Variants in PTK7 observed in about 807,000 individuals in gnomAD.
PTK7 encodes the protein protein tyrosine kinase 7 (inactive).
In PTK7, 39 loss-of-function variants were observed where a neutral mutation model predicts 116.6. The observed-to-expected ratio is 0.33, with a 90% CI of 0.26 to 0.44. The LOEUF (loss-of-function observed/expected upper bound fraction) is 0.44. Ranked by LOEUF, PTK7 falls within the 20% of genes least tolerant of loss-of-function variation. The pLI, the probability that PTK7 is intolerant of heterozygous loss-of-function variation, is 1.00. For synonymous variants in PTK7, 546 were observed against 563.6 expected (o/e 0.97, Z 0.44); for missense variants, 1,169 against 1,425.6 (o/e 0.82, Z 2.90).
rs763038201 is a variant in PTK7, at chr6:43,143,669, G to A, written c.2251+49G>A. On this transcript the variant is annotated intron_variant, in intron 14 of 19. Transcript: ENST00000230419. This position sits in a 1 kb window ranked among gnomAD's most constrained non-coding sequence, Gnocchi z 4.2. The stretch of plus-strand genomic sequence containing the variant: ...TGGTGCCCGTGTGCGGGAGCTGAGC[G>A]CCCTCCCGCGGCCACGGAGGGGAGA... 37 of 1,568,614 alleles carry A rather than the reference G, an allele frequency of 2.4e-5. No individual in the cohort carries two copies. Among genetic ancestry groups the A allele is most frequent in the African/African-American group, 2.7e-5 (2 of 73,702 alleles).
At chr6:43,117,150 C>T (rs1299240797) in intron 1 of PTK7, among the ~76,000 whole-genome samples, 1 of 152,092 alleles carries the variant, frequency 6.6e-6, no homozygotes, top group Non-Finnish European at 1.5e-5. Context: ...ATGGACAGCT[C>T]TGTTCCGCCA....
rs146542656 is a variant in PTK7 at position 43,129,992 on chromosome 6, G to A, written c.470+163G>A. Among the ~76,000 whole-genome samples, 23 of 152,258 alleles carry A rather than the reference G, an allele frequency of 1.5e-4. 1 individual carries two copies. The East Asian group carries it at 3.3e-3, about 22-fold the overall frequency. The stretch of plus-strand genomic sequence containing the variant: ...CCTCCCCCAGATATTGCCCTATGCC[G>A]GCCCCTGGTGGCCTGAAGAGTGAGC... On this transcript the variant is annotated intron_variant, in intron 3 of 19. Coordinates refer to ENST00000230419, the MANE Select transcript of PTK7 (RefSeq NM_002821.5). This position sits in a 1 kb window ranked among gnomAD's most constrained non-coding sequence, Gnocchi z 4.5.
At chr6:43,084,258 G>A (rs1250436518) in intron 1 of PTK7, among the ~76,000 whole-genome samples, 1 of 152,170 alleles carries the variant, frequency 6.6e-6, no homozygotes, top group Non-Finnish European at 1.5e-5. Context: ...CGCCTCCCAA[G>A]TAGCTGGGAC....
At chr6:43,138,655 CTG>C in intron 7 of PTK7, 192 bp from the exon 8 acceptor site, 2 of 619,324 alleles carry the variant, frequency 3.2e-6, no homozygotes, top group Non-Finnish European at 5.3e-6. Context: ...GAGTGAGAAC[CTG>C]TCTTAAAAGA....
At position 43,130,303 on chromosome 6, in the gene PTK7, G is replaced by C. The variant is rs1769579812; in HGVS notation, c.544G>C (p.Glu182Gln). The change falls in exon 4 of 20, where the codon GAG (glutamate) becomes CAG (glutamine). Residue 182 changes from glutamate (E) to glutamine (Q), a missense_variant. Physicochemically the swap from Glu to Gln is conservative, Grantham distance 29. This residue lies in a region of PTK7 where 487 missense variants were observed against 549.8 expected (regional missense o/e 0.89). Transcript: ENST00000230419. ...GQSNHTVSSK[E>Q]RNLTLRPAGP... Reference sequence around the variant, plus strand: ...GAGCAACCACACAGTCAGCAGCAAGGAGCGGAACCTGACGCTCCGGCCAGC... The same window carrying C: ...GAGCAACCACACAGTCAGCAGCAAGCAGCGGAACCTGACGCTCCGGCCAGC... 6.2e-7 allele frequency: 1 copy of C among 1,612,158 alleles called. No homozygotes were observed. The highest frequency in any genetic ancestry group is 8.5e-7 in the Non-Finnish European group (1 of 1,178,958).
At position 43,129,673 on chromosome 6, in the gene PTK7, C is replaced by T; in HGVS notation, c.368-54C>T. 12 of 1,508,780 alleles carry T rather than the reference C, an allele frequency of 8.0e-6. No homozygotes were observed. The highest frequency in any genetic ancestry group is 1.1e-5 in the Non-Finnish European group (12 of 1,085,226). 93.5% of individuals were successfully genotyped at this position (1,508,780 alleles called of 1,614,324 possible). A position where few individuals can be genotyped will look rare whatever the true frequency, so the allele number is the denominator to read the frequency against. On this transcript the variant is annotated intron_variant, in intron 2 of 19. Transcript: ENST00000230419. The surrounding 1 kb of genome is among the most constrained non-coding windows in gnomAD (Gnocchi z 4.5). ...CCTGCTTGTCCTCCTTGCCCTCTGC[C>T]TTCCCGCCTTTGCCCTGCTCTGCCC...
At chr6:43,079,619 T>G (rs899376716) in intron 1 of PTK7, among the ~76,000 whole-genome samples, 1 of 151,870 alleles carries the variant, frequency 6.6e-6, no homozygotes, top group Non-Finnish European at 1.5e-5. Context: ...TGAGACAGGG[T>G]CTCCTCTATC....
intron 1 of PTK7, among the ~76,000 whole-genome samples, chr6:43,103,158 A>G (rs1767676191): frequency 6.6e-6 from 1 of 152,224 alleles, no homozygotes; most frequent in African/African-American, 2.4e-5. Flanking sequence ...CATTCACAGA[A>G]TCAATAAAAA....
intron 1 of PTK7, among the ~76,000 whole-genome samples, chr6:43,085,343 G>A (rs1054410301): frequency 6.6e-6 from 1 of 151,996 alleles, no homozygotes; most frequent in African/African-American, 2.4e-5. Flanking sequence ...CCACCTCCCG[G>A]GTTCGCGCCA....
chr6:43,142,788 T>A (rs1012037190), intron 13 of PTK7: 1 of 185,012 alleles, frequency 5.4e-6, no homozygotes, highest in Admixed American at 5.5e-5. Context: ...CTCTTAAACT[T>A]TCTTGGTTTG....
rs140297948 is a variant in PTK7 at position 43,116,927 on chromosome 6, G to A, written c.80-12050G>A. Among the ~76,000 whole-genome samples the A allele has an allele frequency of 5.3e-3, 803 of 152,218 alleles. 12 individuals carry two copies. Among genetic ancestry groups the A allele is most frequent in the African/African-American group, 0.018 (759 of 41,524 alleles). ...CAACCTCCATCTCCTGGGTTCAAGC[G>A]ATTCTCGTGCTTCAGCCTCCCGAGT... On this transcript the variant is annotated intron_variant, in intron 1 of 19. Transcript: ENST00000230419.
intron 17 of PTK7, among the ~76,000 whole-genome samples, 198 bp from the exon 18 acceptor site, chr6:43,158,619 G>A (rs1771656340): frequency 6.6e-6 from 1 of 152,190 alleles, no homozygotes; most frequent in Non-Finnish European, 1.5e-5. Flanking sequence ...AGTTTGCTTA[G>A]TTCAGTCTTC....
chr6:43,135,945 T>G (rs1266746511), intron 7 of PTK7, among the ~76,000 whole-genome samples: 1 of 152,060 alleles, frequency 6.6e-6, no homozygotes, highest in Non-Finnish European at 1.5e-5. Flanking sequence ...ATCCCAGCAC[T>G]TTGGGAGGCC....
intron 1 of PTK7, among the ~76,000 whole-genome samples, chr6:43,125,930 G>A (rs1330603007): frequency 1.3e-5 from 2 of 152,130 alleles, no homozygotes; most frequent in Non-Finnish European, 2.9e-5. Context: ...CATGTCTGCA[G>A]AAGCTGAGCG....
At chr6:43,116,651 T>TGTGTGCGTGCGCGC (rs1323606377) in intron 1 of PTK7, among the ~76,000 whole-genome samples, 2 of 77,214 alleles carry the variant, frequency 2.6e-5, no homozygotes, top group African/African-American at 1.3e-4. Flanking sequence ...TGTGTGTGTG[T>TGTGTGCGTGCGCGC]GCGCGCGCAC....
intron 17 of PTK7, among the ~76,000 whole-genome samples, chr6:43,157,360 A>T (rs1381560495): frequency 0.44 from 3,530 of 7,954 alleles, 626 homozygotes; most frequent in Non-Finnish European, 0.48. Context: ...ATATATATAT[A>T]TATATTTTTT....
At chr6:43,088,815 C>A (rs1766798535) in intron 1 of PTK7, among the ~76,000 whole-genome samples, 1 of 152,164 alleles carries the variant, frequency 6.6e-6, no homozygotes, top group Non-Finnish European at 1.5e-5. Context: ...TCTCATGAAC[C>A]CATGAGTCCT....
At chr6:43,155,007 C>A (rs1771337893) in intron 17 of PTK7, among the ~76,000 whole-genome samples, 1 of 152,244 alleles carries the variant, frequency 6.6e-6, no homozygotes, top group Non-Finnish European at 1.5e-5. Flanking sequence ...AGGCAACCAG[C>A]CTTGTTTGGG....
intron 17 of PTK7, 105 bp from the exon 18 acceptor site, chr6:43,158,712 A>G (rs965817958): frequency 2.2e-5 from 28 of 1,258,766 alleles, no homozygotes; most frequent in East Asian, 1.8e-4. Flanking sequence ...TGGGCTTCCT[A>G]CGCAGCACAC....
Sources: allele counts gnomAD v4.1 joint callset (sites outside exome capture counted in the v4.1 genomes callset), GRCh38; gene constraint gnomAD v4.1.1; regional missense constraint gnomAD v4.1.1; non-coding constraint Gnocchi (gnomAD v3.1); transcripts MANE v1.5; gene names NCBI Gene and HGNC (gene_info 2026-07-23, HGNC 2026-07-21).